Variants in PYGB observed in about 807,000 individuals in gnomAD.
The protein encoded by PYGB is glycogen phosphorylase B.
A neutral mutation model predicts 94.3 loss-of-function variants in PYGB; 82 were observed. The observed-to-expected ratio is 0.87, with a 90% CI of 0.73 to 1.04. The LOEUF (loss-of-function observed/expected upper bound fraction) is 1.04, where lower values mean the gene tolerates loss of function less well. Among genes scored for constraint, PYGB ranks in the 50% least tolerant of loss-of-function variants. PYGB has a pLI of 0.00. For synonymous variants in PYGB, 488 were observed against 479.1 expected (o/e 1.02, Z -0.24); for missense variants, 1,132 against 1,158.2 (o/e 0.98, Z 0.33).
chr20:25,272,205 C>T (rs771274480), intron 4 of PYGB, among the ~76,000 whole-genome samples: 1 of 152,144 alleles, frequency 6.6e-6, no homozygotes, highest in Non-Finnish European at 1.5e-5. Context: ...CATTTGGGGC[C>T]TAAAAGTCAC....
chr20:25,251,488 C>T lies in PYGB; in HGVS notation c.243+3067C>T, dbSNP rs2092887991. On this transcript the variant is annotated intron_variant, in intron 1 of 19. Transcript: ENST00000216962. ...TTCATATTGAATTGACATTCCATCT[C>T]TATCCAGAGAGAATTTGAGGATGCT... Among the ~76,000 whole-genome samples, 4 of 152,328 alleles carry T rather than the reference C, an allele frequency of 2.6e-5. No individual in the cohort carries two copies. The South Asian group carries it at 8.3e-4, about 32-fold the overall frequency.
chr20:25,269,062 T>C, intron 2 of PYGB, 67 bp from the exon 3 acceptor site: 1 of 1,348,508 alleles, frequency 7.4e-7, no homozygotes, highest in African/African-American at 1.4e-5. Context: ...CTTACACATC[T>C]TTCAGCCTGT....
intron 15 of PYGB, among the ~76,000 whole-genome samples, chr20:25,289,697 G>C (rs1391355377): frequency 6.6e-6 from 1 of 152,112 alleles, no homozygotes. Context: ...AGAAAAGCAG[G>C]AAGAATTGTA....
At chr20:25,280,500 C>T in intron 10 of PYGB, 88 bp downstream of exon 10, 2 of 1,499,828 alleles carry the variant, frequency 1.3e-6, no homozygotes, top group Non-Finnish European at 1.8e-6. Context: ...AGGTGCTTTG[C>T]TCCTTGAACG....
rs1218074102 is a variant in PYGB at position 25,281,104 on chromosome 20, A to G, written c.1395A>G (p.Lys465=). Residue 465 remains lysine, a synonymous_variant, in exon 11 of 20, where the codon AAA becomes AAG. Transcript: ENST00000216962. ...GVARIHSEIV[K]QSVFKDFYEL... ...CGAGGATCCACTCGGAGATCGTGAA[A>G]CAGTCGGTGTGAGTGGGGCGCTTGC... 3 of 1,613,974 alleles carry G rather than the reference A, an allele frequency of 1.9e-6. No homozygotes were observed. Among genetic ancestry groups the G allele is most frequent in the Non-Finnish European group, 2.5e-6 (3 of 1,179,988 alleles).
chr20:25,253,128 C>T (rs544060541), intron 1 of PYGB, among the ~76,000 whole-genome samples: 1 of 152,380 alleles, frequency 6.6e-6, no homozygotes, highest in East Asian at 1.9e-4. Context: ...CACAGTTTCA[C>T]AGCCTCCCAT....
At chr20:25,274,841 C>T in intron 5 of PYGB, 118 bp downstream of exon 5, 1 of 1,435,602 alleles carries the variant, frequency 7.0e-7, no homozygotes, top group East Asian at 2.3e-5. Flanking sequence ...CCCTGGAGGA[C>T]TTAAGGTAAA....
chr20:25,293,945 G>A lies in PYGB; in HGVS notation c.2178-213G>A, dbSNP rs1444322882. The A allele has an allele frequency of 1.2e-5, 7 of 599,712 alleles. No homozygotes were observed. In the East Asian group the frequency reaches 1.7e-4, roughly 15 times the overall value. 37.1% of individuals were successfully genotyped at this position (599,712 alleles called of 1,614,324 possible). ...ACAGTCAAAGGAGCAGGTGGGATTG[G>A]CTTTAGACTGACTTCACATCTCTGC... On this transcript the variant is annotated intron_variant, in intron 17 of 19. Transcript: ENST00000216962.
At position 25,252,363 on chromosome 20, in the gene PYGB, G is replaced by T. The variant is rs543714650; in HGVS notation, c.243+3942G>T. On this transcript the variant is annotated intron_variant, in intron 1 of 19. Coordinates refer to ENST00000216962, the MANE Select transcript of PYGB (RefSeq NM_002862.4). Reference sequence around the variant, plus strand: ...AGATAGTAACGTGGATGTCCCTCTGGGGGGGTCGGGGGGTGGTGTTTCCCA... The same window carrying T: ...AGATAGTAACGTGGATGTCCCTCTGTGGGGGTCGGGGGGTGGTGTTTCCCA... Among the ~76,000 whole-genome samples, 47 of 152,252 alleles carry T rather than the reference G, an allele frequency of 3.1e-4. No homozygotes were observed. The South Asian group carries it at 7.5e-3, about 24-fold the overall frequency.
In PYGB at chr20:25,288,571, C is replaced by T. The variant is rs2474774; in HGVS notation, c.1827+88C>T. ...CTGCACGCTTCTCATGGTGCCACCA[C>T]ATCCATACTCGGGAACCGGATGCCC... is the stretch of plus-strand genomic sequence containing the variant. On this transcript the variant is annotated intron_variant, in intron 15 of 19. Transcript: ENST00000216962. The T allele has an allele frequency of 5.9e-5, 86 of 1,457,786 alleles. No individual in the cohort carries two copies. In the African/African-American group the frequency reaches 1.1e-3, roughly 18 times the overall value. 90.3% of individuals were successfully genotyped at this position (1,457,786 alleles called of 1,614,324 possible). A position where few individuals can be genotyped will look rare whatever the true frequency, so the allele number is the denominator to read the frequency against.
Position 25,297,166 on chromosome 20 carries a change from T to G in PYGB, c.*644T>G, listed in dbSNP as rs1163573683. On this transcript the variant is annotated 3_prime_UTR_variant, in exon 20 of 20. Coordinates refer to ENST00000216962, the MANE Select transcript of PYGB (RefSeq NM_002862.4). ...AGCCATCCAATGGGCATTGTGTGGG[T>G]GCTTGGAACCCGGGATGACTGAGGG... 6.5e-6 allele frequency: 1 copy of G among 152,700 alleles called. No individual in the cohort carries two copies. Among genetic ancestry groups the G allele is most frequent in the Non-Finnish European group, 1.5e-5 (1 of 68,418 alleles). The allele number at this position is 152,700 out of a possible 1,614,324, so 9.5% of individuals were successfully genotyped here.
intron 2 of PYGB, among the ~76,000 whole-genome samples, chr20:25,262,570 T>C (rs982283994): frequency 2.6e-5 from 4 of 152,158 alleles, no homozygotes; most frequent in African/African-American, 9.7e-5. Context: ...CTGTATCAGC[T>C]ACCGGGCAGA....
At chr20:25,276,797 G>T (rs749996120) in intron 6 of PYGB, 40 bp downstream of exon 6, 1 of 1,580,170 alleles carries the variant, frequency 6.3e-7, no homozygotes, top group East Asian at 2.3e-5. Flanking sequence ...GTCCATGTGG[G>T]TGGCTGGTCC....
intron 13 of PYGB, among the ~76,000 whole-genome samples, chr20:25,283,818 G>A (rs569996086): frequency 7.2e-5 from 11 of 152,252 alleles, no homozygotes; most frequent in African/African-American, 2.2e-4. Flanking sequence ...CTGCTCCGCC[G>A]CCTGCACGCC....
intron 1 of PYGB, among the ~76,000 whole-genome samples, chr20:25,249,340 A>C (rs770558945): frequency 6.6e-6 from 1 of 152,222 alleles, no homozygotes; most frequent in South Asian, 2.1e-4. Flanking sequence ...TGATAGGTAC[A>C]TGGTAGTCTT....
At chr20:25,286,467 G>C (rs940620375) in intron 14 of PYGB, among the ~76,000 whole-genome samples, 2 of 152,170 alleles carry the variant, frequency 1.3e-5, no homozygotes, top group Non-Finnish European at 2.9e-5. Context: ...TGGTCACCAA[G>C]GGTATGTGAT....
intron 19 of PYGB, among the ~76,000 whole-genome samples, 193 bp downstream of exon 19, chr20:25,295,863 GA>G (rs1445741462): frequency 6.6e-6 from 1 of 152,178 alleles, no homozygotes; most frequent in Non-Finnish European, 1.5e-5. Context: ...TCCCTCCGTT[GA>G]AAAAAACAGC....
At chr20:25,265,224 A>T (rs1360053148) in intron 2 of PYGB, among the ~76,000 whole-genome samples, 1 of 152,216 alleles carries the variant, frequency 6.6e-6, no homozygotes, top group Non-Finnish European at 1.5e-5. Flanking sequence ...GGCTAGCCAT[A>T]TGTAGAAAGC....
chr20:25,295,135 C>T (rs2088520447), intron 18 of PYGB: 2 of 1,223,436 alleles, frequency 1.6e-6, no homozygotes, highest in Non-Finnish European at 2.4e-6. Flanking sequence ...ATAAATCTGG[C>T]ATTTTTGTTC....
Sources: allele counts gnomAD v4.1 joint callset (sites outside exome capture counted in the v4.1 genomes callset), GRCh38; gene constraint gnomAD v4.1.1; transcripts MANE v1.5; gene names NCBI Gene and HGNC (gene_info 2026-07-23, HGNC 2026-07-21).